The following STARD13 variants were observed in gnomAD, a reference collection of about 807,000 sequenced individuals.
The protein encoded by STARD13 is stAR-related lipid transfer protein 13.
STARD13 carries 62 observed loss-of-function variants against 106.4 expected under a neutral mutation model. That is an observed-to-expected ratio of 0.58 (90% CI 0.48 to 0.72). The LOEUF is 0.72. Ranked by LOEUF, STARD13 falls within the 30% of genes least tolerant of loss-of-function variation. The pLI is 0.00. For synonymous variants in STARD13, 565 were observed against 553.0 expected (o/e 1.02, Z -0.31); for missense variants, 1,387 against 1,424.0 (o/e 0.97, Z 0.42).
At chr13:33,224,718 A>G (rs1164231630) in intron 1 of STARD13, among the ~76,000 whole-genome samples, 1 of 152,250 alleles carries the variant, frequency 6.6e-6, no homozygotes, top group African/African-American at 2.4e-5. Context: ...GTCAATAGCT[A>G]ATTGACTACT....
chr13:33,397,340 G>A, the STARD13 span, among the ~76,000 whole-genome samples: 2 of 152,178 alleles, frequency 1.3e-5, no homozygotes, highest in African/African-American at 4.8e-5. Flanking sequence ...AAAAACTCCA[G>A]TTTCACTAAA....
the STARD13 span, among the ~76,000 whole-genome samples, chr13:33,471,750 T>A: frequency 6.6e-6 from 1 of 152,082 alleles, no homozygotes; most frequent in Non-Finnish European, 1.5e-5. Flanking sequence ...AAAATGGTCT[T>A]CCTGAGAAAC....
At chr13:33,435,782 A>C in the STARD13 span, among the ~76,000 whole-genome samples, 1 of 152,174 alleles carries the variant, frequency 6.6e-6, no homozygotes, top group Admixed American at 6.5e-5. Flanking sequence ...GGGACATAAT[A>C]ATGTTCAACA....
At chr13:33,173,463 T>C (rs1884197025) in intron 1 of STARD13, among the ~76,000 whole-genome samples, 1 of 152,222 alleles carries the variant, frequency 6.6e-6, no homozygotes, top group South Asian at 2.1e-4. Flanking sequence ...ATAACCTTAG[T>C]GACAGATACA....
At chr13:33,297,949 A>G (rs1168756257) in intron 1 of STARD13, among the ~76,000 whole-genome samples, 1 of 152,052 alleles carries the variant, frequency 6.6e-6, no homozygotes, top group East Asian at 1.9e-4. Flanking sequence ...AAATAATTTC[A>G]TCTAAGAAAG....
At position 33,103,514 on chromosome 13, in the gene STARD13, T is replaced by C. The variant is rs1873337414; in HGVS notation, c.*2079A>G. The C allele has an allele frequency of 6.6e-6, 1 of 152,644 alleles. No individual in the cohort carries two copies. The highest frequency in any genetic ancestry group is 2.4e-5 in the African/African-American group (1 of 41,456). The allele number at this position is 152,644 out of a possible 1,614,324, so 9.5% of individuals were successfully genotyped here. ...TGTTCTTATTCTGTTTTAGGGATCT[T>C]CTAGGTCCTCGTTTCTGAGTGTGGT... On this transcript the variant is annotated 3_prime_UTR_variant, in exon 14 of 14. Coordinates refer to ENST00000336934, the MANE Select transcript of STARD13 (RefSeq NM_178006.4).
At chr13:33,333,939 G>A (rs944936477) in intron 1 of STARD13, 27 of 152,258 alleles carry the variant, frequency 1.8e-4, no homozygotes, top group Non-Finnish European at 2.8e-4. Flanking sequence ...GGAGATAGGT[G>A]ACCTGCAACA....
intron 1 of STARD13, among the ~76,000 whole-genome samples, chr13:33,323,806 C>A (rs1893645403): frequency 6.6e-6 from 1 of 152,130 alleles, no homozygotes; most frequent in South Asian, 2.1e-4. Flanking sequence ...TAAGAAACGC[C>A]AACTTGCTCC....
chr13:33,553,518 T>C, the STARD13 span, among the ~76,000 whole-genome samples: 7 of 151,908 alleles, frequency 4.6e-5, no homozygotes, highest in African/African-American at 1.5e-4. Context: ...ATAGTAATTT[T>C]GTATTTGATC....
chr13:33,609,140 AT>A, the STARD13 span, among the ~76,000 whole-genome samples: 3 of 151,818 alleles, frequency 2.0e-5, no homozygotes, highest in South Asian at 6.2e-4. Context: ...TGAAAATTAA[AT>A]TTTAACTATA....
At chr13:33,404,012 T>C in the STARD13 span, among the ~76,000 whole-genome samples, 1 of 152,248 alleles carries the variant, frequency 6.6e-6, no homozygotes, top group African/African-American at 2.4e-5. Flanking sequence ...TTCAGACCTC[T>C]TGAGTCATAC....
rs369603749 is a variant in STARD13 at position 33,173,633 on chromosome 13, A to G, written c.170-6011T>C. Among the ~76,000 whole-genome samples, 74 of 152,322 alleles carry G rather than the reference A, an allele frequency of 4.9e-4. 1 individual carries two copies. In the East Asian group the frequency reaches 0.013, roughly 27 times the overall value. On this transcript the variant is annotated intron_variant, in intron 1 of 13. Coordinates refer to ENST00000336934, the MANE Select transcript of STARD13 (RefSeq NM_178006.4). ...CAAATATAATTTTTTCCTAATATTC[A>G]TAACATTTTCTTTCCATGATTTTCT...
chr13:33,288,175 T>C (rs1892148762), upstream of STARD13, among the ~76,000 whole-genome samples: 1 of 151,980 alleles, frequency 6.6e-6, no homozygotes, highest in African/African-American at 2.4e-5. Flanking sequence ...AGTGCTGGGG[T>C]GTCTGGTTCT....
chr13:33,193,123 A>G (rs989627407), intron 1 of STARD13, among the ~76,000 whole-genome samples: 5 of 152,230 alleles, frequency 3.3e-5, no homozygotes, highest in Non-Finnish European at 4.4e-5. Context: ...ATAAATAAAA[A>G]TGCAACTGAA....
the STARD13 span, among the ~76,000 whole-genome samples, chr13:33,601,960 GAA>G: frequency 1.3e-5 from 2 of 152,120 alleles, no homozygotes; most frequent in Non-Finnish European, 2.9e-5. Context: ...CAGTCGTATG[GAA>G]AAACATTTTT....
the STARD13 span, among the ~76,000 whole-genome samples, chr13:33,655,308 T>C: frequency 6.6e-6 from 1 of 152,214 alleles, no homozygotes; most frequent in Non-Finnish European, 1.5e-5. Flanking sequence ...AGACAATGAA[T>C]AGTTCCTTCA....
chr13:33,158,779 CT>C (rs1289310145), intron 3 of STARD13: 1 of 152,110 alleles, frequency 6.6e-6, no homozygotes. Flanking sequence ...TTCCTTCTGC[CT>C]GCTTTCTGCT....
downstream of STARD13, among the ~76,000 whole-genome samples, chr13:33,347,539 G>A (rs751542184): frequency 3.3e-5 from 5 of 152,102 alleles, no homozygotes; most frequent in Admixed American, 6.5e-5. Context: ...GAGCCACCAC[G>A]CCTGACTGCT....
chr13:33,454,006 T>G, the STARD13 span, among the ~76,000 whole-genome samples: 1 of 152,098 alleles, frequency 6.6e-6, no homozygotes, highest in Non-Finnish European at 1.5e-5. Flanking sequence ...AAGATGATTT[T>G]TGTGTGTGTG....
Sources: gnomAD v4.1 joint callset for allele counts (sites outside exome capture counted in the v4.1 genomes callset) on GRCh38, gnomAD v4.1.1 for gene constraint, MANE v1.5 for transcripts, NCBI Gene and HGNC (gene_info 2026-07-23, HGNC 2026-07-21) for gene names.